ANKRD1: variants seen among roughly 807,000 people sequenced by gnomAD.
The protein encoded by ANKRD1 is ankyrin repeat domain-containing protein 1.
ANKRD1 carries 32 observed loss-of-function variants against 40.1 expected under a neutral mutation model. That is an observed-to-expected ratio of 0.80 (90% CI 0.60 to 1.07). The LOEUF is 1.07. Ranked by LOEUF, ANKRD1 falls within the 50% of genes least tolerant of loss-of-function variation. The pLI is 0.00. For synonymous variants in ANKRD1, 149 were observed against 141.2 expected (o/e 1.06, Z -0.39); for missense variants, 359 against 386.0 (o/e 0.93, Z 0.59).
At position 90,920,700 on chromosome 10, in the gene ANKRD1, G is replaced by A. The variant is rs12244068; in HGVS notation, c.27+301C>T. On this transcript the variant is annotated intron_variant, in intron 1 of 8. Coordinates refer to ENST00000371697, the MANE Select transcript of ANKRD1 (RefSeq NM_014391.3). ...AGTTTCGCCTTATTGTAAAGTTTCC[G>A]GGCTTACATTCTTTCAATAACACTT... is the stretch of plus-strand genomic sequence containing the variant. Among the ~76,000 whole-genome samples the A allele has an allele frequency of 0.02, 2,968 of 152,104 alleles. 84 individuals carry two copies. Among genetic ancestry groups the A allele is most frequent in the African/African-American group, 0.068 (2,830 of 41,476 alleles).
Position 90,915,880 on chromosome 10 carries a change from A to C in ANKRD1, c.652T>G (p.Leu218Val). The change falls in exon 7 of 9, where the codon TTG becomes GTG. Residue 218 changes from leucine to valine, a missense_variant and splice_region_variant. Leu to Val is a conservative substitution (Grantham distance 32). Transcript: ENST00000371697. ...GCCACATGCAGCGCTGTGCTGAGCAACTGGAAAATTGGAAAACGCTGCTGA... is the reference window on the plus strand; with the variant it reads ...GCCACATGCAGCGCTGTGCTGAGCACCTGGAAAATTGGAAAACGCTGCTGA... Reference protein sequence around the residue: ...KGAKISARDKLLSTALHVAVR... With the variant: ...KGAKISARDKVLSTALHVAVR... 1 of 1,606,296 alleles carries C rather than the reference A, an allele frequency of 6.2e-7. No individual in the cohort carries two copies.
At chr10:90,920,098 C>T in intron 2 of ANKRD1, 71 bp downstream of exon 2, 1 of 1,597,428 alleles carries the variant, frequency 6.3e-7, no homozygotes, top group Admixed American at 1.7e-5. Context: ...TCTCTCTTCT[C>T]CTTCCCTGAC....
Position 90,912,961 on chromosome 10 carries a change from T to A in ANKRD1, c.865A>T (p.Met289Leu). 1 of 1,614,056 alleles carries A rather than the reference T, an allele frequency of 6.2e-7. No homozygotes were observed. The part of the protein sequence containing the change: ...NIKNCAGKTP[M>L]DLVLHWQNGT... Reference sequence around the variant, plus strand: ...TTCTGCCAGTGTAGCACCAGATCCATCGGCGTCTTCCCAGCCTAATCAAAT... The same window carrying A: ...TTCTGCCAGTGTAGCACCAGATCCAACGGCGTCTTCCCAGCCTAATCAAAT... The change falls in exon 9 of 9, where the codon ATG becomes TTG. Residue 289 changes from methionine (M) to leucine (L), a missense_variant. By Grantham distance (15) the Met-to-Leu change is conservative (BLOSUM62 2). Transcript: ENST00000371697.
intron 5 of ANKRD1, among the ~76,000 whole-genome samples, chr10:90,916,547 G>A (rs111543343): frequency 1.3e-3 from 203 of 152,264 alleles, no homozygotes; most frequent in African/African-American, 4.6e-3. Flanking sequence ...TGCCAACATG[G>A]TGCTACACTT....
At chr10:90,919,850 G>A (rs1564574914) in intron 2 of ANKRD1, among the ~76,000 whole-genome samples, 1 of 152,198 alleles carries the variant, frequency 6.6e-6, no homozygotes, top group African/African-American at 2.4e-5. Context: ...CACAGACCAT[G>A]TTATTGAGAA....
At chr10:90,918,141 C>T (rs1473132767) in intron 4 of ANKRD1, among the ~76,000 whole-genome samples, 1 of 152,190 alleles carries the variant, frequency 6.6e-6, no homozygotes, top group Non-Finnish European at 1.5e-5. Context: ...CTTCCTTGTT[C>T]ATGTAGCATT....
At position 90,917,794 on chromosome 10, in the gene ANKRD1, C is replaced by T. The variant is rs1201294863; in HGVS notation, c.490G>A (p.Gly164Arg). ...AACTTCTCCACAATTGCCAAATGTCCTTCCAAGCATGCTCTATGAAGAGCT... is the reference window on the plus strand; with the variant it reads ...AACTTCTCCACAATTGCCAAATGTCTTTCCAAGCATGCTCTATGAAGAGCT... ...RTALHRACLE[G>R]HLAIVEKLME... Residue 164 changes from glycine to arginine, a missense_variant, in exon 5 of 9, where the codon GGA (glycine) becomes AGA (arginine). Transcript: ENST00000371697. 6.2e-7 allele frequency: 1 copy of T among 1,613,914 alleles called. No individual in the cohort carries two copies. Among genetic ancestry groups the T allele is most frequent in the Non-Finnish European group, 8.5e-7 (1 of 1,179,960 alleles).
At chr10:90,917,443 G>A (rs1469005083) in intron 5 of ANKRD1, among the ~76,000 whole-genome samples, 1 of 152,208 alleles carries the variant, frequency 6.6e-6, no homozygotes, top group African/African-American at 2.4e-5. Flanking sequence ...TGAAAGGCAA[G>A]TGTCGAAAAT....
Position 90,912,941 on chromosome 10 carries a change from C to A in ANKRD1, c.885G>T (p.Trp295Cys). The stretch of plus-strand genomic sequence containing the variant: ...CGAATATTGCTTTGGTTCCATTCTG[C>A]CAGTGTAGCACCAGATCCATCGGCG... ...GKTPMDLVLH[W>C]QNGTKAIFDS... The change falls in exon 9 of 9, where the codon TGG becomes TGT. Residue 295 changes from tryptophan to cysteine, a missense_variant. Coordinates refer to ENST00000371697, the MANE Select transcript of ANKRD1 (RefSeq NM_014391.3). The A allele has an allele frequency of 6.2e-7, 1 of 1,614,032 alleles. No individual in the cohort carries two copies. Among genetic ancestry groups the A allele is most frequent in the Non-Finnish European group, 8.5e-7 (1 of 1,179,934 alleles).
intron 3 of ANKRD1, 79 bp downstream of exon 3, chr10:90,919,052 C>G: frequency 6.3e-7 from 1 of 1,592,414 alleles, no homozygotes; most frequent in Non-Finnish European, 8.6e-7. Context: ...AGCATTCAAT[C>G]AAACCCTCCA....
Position 90,921,066 on chromosome 10 carries a change from A to C in ANKRD1, c.-39T>G. ...GTCTTGTATGTTTTTCTGTCGTGGA[A>C]GGAATCCCTGGAGTTGGCCCTGCTG... is the stretch of plus-strand genomic sequence containing the variant. On this transcript the variant is annotated 5_prime_UTR_variant, in exon 1 of 9. Transcript: ENST00000371697. 1 of 1,612,364 alleles carries C rather than the reference A, an allele frequency of 6.2e-7. No individual in the cohort carries two copies. Among genetic ancestry groups the C allele is most frequent in the Non-Finnish European group, 8.5e-7 (1 of 1,178,572 alleles).
rs538225432 is a variant in ANKRD1 at position 90,916,462 on chromosome 10, CTT to C, written c.553-195_553-194del. Among the ~76,000 whole-genome samples the C allele has an allele frequency of 1.0e-3, 153 of 151,894 alleles. No individual in the cohort carries two copies. In the Middle Eastern group the frequency reaches 0.017, roughly 17 times the overall value. ...TGTGTGTGTGTGTGCATATGTGTGTCTTATTAGGAGGCTCTTAATAAATCTAA... is the reference window on the plus strand; with the variant it reads ...TGTGTGTGTGTGTGCATATGTGTGTCATTAGGAGGCTCTTAATAAATCTAA... On this transcript the variant is annotated intron_variant, in intron 5 of 8. Coordinates refer to ENST00000371697, the MANE Select transcript of ANKRD1 (RefSeq NM_014391.3).
rs1847422473 is a variant in ANKRD1, at chr10:90,920,316, T to C, written c.60A>G (p.Ala20=). 1.2e-6 allele frequency: 2 copies of C among 1,614,182 alleles called. No homozygotes were observed. Among genetic ancestry groups the C allele is most frequent in the Non-Finnish European group, 1.7e-6 (2 of 1,180,002 alleles). ...VTGKKNGNGE[A]GEFLPEDFRD... The stretch of plus-strand genomic sequence containing the variant: ...TGAAATCCTCAGGAAGGAATTCCCC[T>C]GCCTCCCCATTGCCATTCTTCTTTC... The change falls in exon 2 of 9, where the codon GCA becomes GCG. Residue 20 remains alanine (A), a synonymous_variant. Coordinates refer to ENST00000371697, the MANE Select transcript of ANKRD1 (RefSeq NM_014391.3).
chr10:90,913,552 A>C (rs556504223), intron 8 of ANKRD1, among the ~76,000 whole-genome samples: 45 of 152,326 alleles, frequency 3.0e-4, no homozygotes, highest in African/African-American at 1.1e-3. Flanking sequence ...GCAATGACAC[A>C]TGTGAACAAA....
chr10:90,917,331 T>C (rs577248077), intron 5 of ANKRD1, among the ~76,000 whole-genome samples: 2 of 152,320 alleles, frequency 1.3e-5, no homozygotes, highest in South Asian at 4.1e-4. Flanking sequence ...TTGGTAGCAA[T>C]TGGCATCTAT....
chr10:90,915,856 C>G lies in ANKRD1; in HGVS notation c.676G>C (p.Ala226Pro), dbSNP rs761442087. The G allele has an allele frequency of 5.6e-6, 9 of 1,612,756 alleles. No individual in the cohort carries two copies. The highest frequency in any genetic ancestry group is 5.9e-6 in the Non-Finnish European group (7 of 1,179,888). ...DKLLSTALHV[A>P]VRTGHYECAE... ...CACTCATAGTGGCCAGTCCTCACCG[C>G]CACATGCAGCGCTGTGCTGAGCAAC... The change falls in exon 7 of 9, where the codon GCG becomes CCG. Residue 226 changes from alanine to proline, a missense_variant. By Grantham distance (27) the Ala-to-Pro change is conservative. Coordinates refer to ENST00000371697, the MANE Select transcript of ANKRD1 (RefSeq NM_014391.3).
In ANKRD1 at chr10:90,912,779, C is replaced by G; in HGVS notation, c.*87G>C. 1 of 1,239,532 alleles carries G rather than the reference C, an allele frequency of 8.1e-7. No homozygotes were observed. Among genetic ancestry groups the G allele is most frequent in the East Asian group, 2.3e-5 (1 of 43,054 alleles). 76.8% of individuals were successfully genotyped at this position (1,239,532 alleles called of 1,614,324 possible). A position where few individuals can be genotyped will look rare whatever the true frequency, so the allele number is the denominator to read the frequency against. ...TTCACAACACGTTGATAAATAGAAA[C>G]TAGATTTTATGGCTAGTGTCTCTTC... On this transcript the variant is annotated 3_prime_UTR_variant, in exon 9 of 9. Coordinates refer to ENST00000371697, the MANE Select transcript of ANKRD1 (RefSeq NM_014391.3).
chr10:90,920,203 T>A lies in ANKRD1; in HGVS notation c.173A>T (p.Gln58Leu). Residue 58 changes from glutamine (Q) to leucine (L), a missense_variant, in exon 2 of 9, where the codon CAA (glutamine) becomes CTA (leucine). By Grantham distance (113) the Gln-to-Leu change is moderately radical (BLOSUM62 -2). Transcript: ENST00000371697. ...LLAHPVTLGE[Q>L]QWKSEKQREA... ...TCGTTGTTTCTCGCTTTTCCACTGT[T>A]GCTCCCCCAGGGTCACAGGGTGGGC... The A allele has an allele frequency of 6.2e-7, 1 of 1,614,058 alleles. No individual in the cohort carries two copies. Among genetic ancestry groups the A allele is most frequent in the Non-Finnish European group, 8.5e-7 (1 of 1,180,016 alleles).
intron 5 of ANKRD1, among the ~76,000 whole-genome samples, chr10:90,917,159 A>C (rs974535368): frequency 1.6e-4 from 25 of 152,182 alleles, no homozygotes; most frequent in African/African-American, 5.3e-4. Flanking sequence ...AATGAGCTGC[A>C]TTTAAATACA....
Sources: gnomAD v4.1 joint callset for allele counts (sites outside exome capture counted in the v4.1 genomes callset) on GRCh38, gnomAD v4.1.1 for gene constraint, MANE v1.5 for transcripts, NCBI Gene and HGNC (gene_info 2026-07-23, HGNC 2026-07-21) for gene names.